PARD3: variants seen among roughly 807,000 people sequenced by gnomAD.
PARD3 encodes par-3 family cell polarity regulator, also known as partitioning defective 3 homolog.
In PARD3, 75 loss-of-function variants were observed where a neutral mutation model predicts 155.4. The observed-to-expected ratio is 0.48, with a 90% CI of 0.40 to 0.58. The LOEUF is 0.58. Among genes scored for constraint, PARD3 ranks in the 20% least tolerant of loss-of-function variants. PARD3 has a pLI of 0.00. For missense variants in PARD3, 1,642 were observed against 1,721.7 expected (o/e 0.95, Z 0.82); for synonymous variants, 576 against 610.5 (o/e 0.94, Z 0.83).
At chr10:34,497,299 A>G (rs964066516) in intron 3 of PARD3, among the ~76,000 whole-genome samples, 7 of 152,252 alleles carry the variant, frequency 4.6e-5, no homozygotes, top group African/African-American at 1.2e-4. Flanking sequence ...ACAATATAGT[A>G]TAACAACTAT....
intron 5 of PARD3, among the ~76,000 whole-genome samples, chr10:34,430,425 T>C (rs2132526363): frequency 6.6e-6 from 1 of 152,310 alleles, no homozygotes; most frequent in South Asian, 2.1e-4. Context: ...AATGATAGAA[T>C]ATGACTATCA....
chr10:34,808,950 G>A (rs990049980), intron 1 of PARD3, among the ~76,000 whole-genome samples: 5 of 152,190 alleles, frequency 3.3e-5, no homozygotes, highest in Non-Finnish European at 5.9e-5. Flanking sequence ...GCATAGGTGT[G>A]TTCCAGGGCC....
chr10:34,342,447 C>G (rs1836928656), intron 15 of PARD3, among the ~76,000 whole-genome samples: 1 of 152,180 alleles, frequency 6.6e-6, no homozygotes, highest in African/African-American at 2.4e-5. Context: ...ATGATCTTTT[C>G]TGCCAGAAGA....
At chr10:34,560,711 G>A (rs2085398920) in intron 2 of PARD3, among the ~76,000 whole-genome samples, 1 of 152,182 alleles carries the variant, frequency 6.6e-6, no homozygotes, top group African/African-American at 2.4e-5. Flanking sequence ...TTGGGGAGAT[G>A]GGGTGGTTCC....
At chr10:34,166,311 G>A (rs953404242) in intron 22 of PARD3, among the ~76,000 whole-genome samples, 20 of 151,826 alleles carry the variant, frequency 1.3e-4, no homozygotes, top group Admixed American at 8.5e-4. Context: ...GAAATCTCAC[G>A]TGCATTAAAA....
intron 2 of PARD3, among the ~76,000 whole-genome samples, chr10:34,603,492 G>A (rs1481307353): frequency 6.6e-6 from 1 of 152,172 alleles, no homozygotes; most frequent in Non-Finnish European, 1.5e-5. Context: ...AACAGTCACG[G>A]AACACATTGA....
chr10:34,666,796 A>AAATATAT (rs1358640964), intron 2 of PARD3, among the ~76,000 whole-genome samples: 14 of 66,958 alleles, frequency 2.1e-4, no homozygotes, highest in African/African-American at 7.9e-4. Flanking sequence ...AAAAAAAAAA[A>AAATATAT]ATATATATAT....
At chr10:34,427,942 G>T (rs1322841545) in intron 5 of PARD3, among the ~76,000 whole-genome samples, 1 of 152,102 alleles carries the variant, frequency 6.6e-6, no homozygotes, top group African/African-American at 2.4e-5. Flanking sequence ...CCATGTAGAG[G>T]AATGGGGGAG....
intron 24 of PARD3, among the ~76,000 whole-genome samples, chr10:34,114,366 C>T (rs1946552997): frequency 6.6e-6 from 1 of 152,212 alleles, no homozygotes; most frequent in Non-Finnish European, 1.5e-5. Context: ...GTTTTTGAGA[C>T]AGAGCCTCAC....
At chr10:34,764,385 G>A (rs1837826377) in intron 1 of PARD3, among the ~76,000 whole-genome samples, 1 of 152,198 alleles carries the variant, frequency 6.6e-6, no homozygotes, top group Admixed American at 6.5e-5. Context: ...AAAAATGGTG[G>A]TTGGAAAATA....
At chr10:34,480,797 T>TC (rs2079030326) in intron 3 of PARD3, among the ~76,000 whole-genome samples, 2 of 138,600 alleles carry the variant, frequency 1.4e-5, no homozygotes, top group Admixed American at 6.9e-5. Context: ...TCTTTTTCTT[T>TC]TTTTTTTTTT....
chr10:34,523,766 G>C (rs145207000), intron 2 of PARD3, among the ~76,000 whole-genome samples: 1 of 152,264 alleles, frequency 6.6e-6, no homozygotes, highest in East Asian at 1.9e-4. Context: ...AAAACTAAAG[G>C]AGTTGGAGAT....
At chr10:34,223,354 T>C (rs1418121619) in intron 22 of PARD3, among the ~76,000 whole-genome samples, 1 of 152,122 alleles carries the variant, frequency 6.6e-6, no homozygotes, top group East Asian at 1.9e-4. Context: ...CCAAAAGCAA[T>C]GCATACATTT....
At chr10:34,489,921 G>C (rs1338331759) in intron 3 of PARD3, among the ~76,000 whole-genome samples, 1 of 152,124 alleles carries the variant, frequency 6.6e-6, no homozygotes, top group Admixed American at 6.5e-5. Flanking sequence ...GTGTTACAGA[G>C]ATAAGATATC....
intron 2 of PARD3, among the ~76,000 whole-genome samples, chr10:34,529,217 A>G (rs973952980): frequency 2.0e-5 from 3 of 152,176 alleles, no homozygotes; most frequent in Non-Finnish European, 4.4e-5. Context: ...GTTTCATCCA[A>G]TCTGAATGCG....
intron 1 of PARD3, among the ~76,000 whole-genome samples, chr10:34,745,223 C>G (rs969142638): frequency 6.6e-6 from 1 of 152,038 alleles, no homozygotes; most frequent in Non-Finnish European, 1.5e-5. Flanking sequence ...ATCAACCAGG[C>G]TTGGTAGCAT....
chr10:34,445,490 AAAG>A, intron 5 of PARD3, among the ~76,000 whole-genome samples: 1 of 152,292 alleles, frequency 6.6e-6, no homozygotes, highest in South Asian at 2.1e-4. Flanking sequence ...CACTTATGCC[AAAG>A]AAGATGTTTT....
intron 3 of PARD3, among the ~76,000 whole-genome samples, chr10:34,485,924 T>A (rs1214123834): frequency 6.8e-6 from 1 of 147,582 alleles, no homozygotes; most frequent in Non-Finnish European, 1.5e-5. Flanking sequence ...TTGGGTTTTT[T>A]TTTTTTTTTT....
chr10:34,766,617 C>CAAAAAAAAAAAAAAAA (rs34958448), intron 1 of PARD3, among the ~76,000 whole-genome samples: 1 of 81,788 alleles, frequency 1.2e-5, no homozygotes, highest in Non-Finnish European at 2.4e-5. Context: ...ACTTAATTGA[C>CAAAAAAAAAAAAAAAA]AAAAAAAAAA....
Sources: gnomAD v4.1 joint callset for allele counts (sites outside exome capture counted in the v4.1 genomes callset) on GRCh38, gnomAD v4.1.1 for gene constraint, MANE v1.5 for transcripts, NCBI Gene and HGNC (gene_info 2026-07-23, HGNC 2026-07-21) for gene names.